GRIN2B: variants seen among roughly 807,000 people sequenced by gnomAD.
GRIN2B encodes glutamate receptor ionotropic, NMDA 2B.
GRIN2B carries 5 observed loss-of-function variants against 114.5 expected under a neutral mutation model. The ratio of observed to expected loss-of-function variants is 0.04; its 90% CI spans 0.02 to 0.09. The LOEUF (loss-of-function observed/expected upper bound fraction) is 0.09. GRIN2B is among the 10% of genes least tolerant of loss of function. The probability of loss-of-function intolerance (pLI) is 1.00; values close to 1 mark genes in which losing one functional copy is unlikely to be tolerated. For synonymous variants in GRIN2B, 787 were observed against 745.1 expected (o/e 1.06, Z -0.92); for missense variants, 1,108 against 1,943.5 (o/e 0.57, Z 8.08).
intron 2 of GRIN2B, among the ~76,000 whole-genome samples, chr12:13,967,708 T>C (rs552925647): frequency 1.3e-4 from 20 of 152,120 alleles, no homozygotes; most frequent in Non-Finnish European, 1.6e-4. Context: ...AGAGACACGA[T>C]AGCAGTCCTT....
chr12:13,857,688 A>G (rs1452097885), intron 3 of GRIN2B, among the ~76,000 whole-genome samples: 2 of 152,068 alleles, frequency 1.3e-5, no homozygotes, highest in African/African-American at 4.8e-5. Flanking sequence ...ACAGTGTACT[A>G]CACTGTCTGT....
chr12:13,842,500 G>A (rs1488506943), intron 3 of GRIN2B, among the ~76,000 whole-genome samples: 1 of 152,058 alleles, frequency 6.6e-6, no homozygotes, highest in African/African-American at 2.4e-5. Flanking sequence ...CTTTTGTGAT[G>A]CATTCTGCAT....
At chr12:13,623,357 A>G (rs1318707644) in intron 5 of GRIN2B, among the ~76,000 whole-genome samples, 2 of 152,236 alleles carry the variant, frequency 1.3e-5, no homozygotes, top group Non-Finnish European at 2.9e-5. Context: ...GTATGTTTTT[A>G]AATGTTCTCA....
intron 4 of GRIN2B, among the ~76,000 whole-genome samples, chr12:13,687,164 G>T (rs1950179915): frequency 6.6e-6 from 1 of 152,050 alleles, no homozygotes. Flanking sequence ...CAAATTACCA[G>T]CCTTGAGTTT....
chr12:13,845,370 A>G (rs1186189884), intron 3 of GRIN2B, among the ~76,000 whole-genome samples: 1 of 152,296 alleles, frequency 6.6e-6, no homozygotes, highest in East Asian at 1.9e-4. Context: ...CCACATTAAA[A>G]TATCATATCC....
At chr12:13,720,871 C>G (rs551137662) in intron 4 of GRIN2B, among the ~76,000 whole-genome samples, 40 of 152,182 alleles carry the variant, frequency 2.6e-4, no homozygotes, top group Non-Finnish European at 4.3e-4. Context: ...GGGATAAGCA[C>G]TTTAGAAACT....
intron 3 of GRIN2B, among the ~76,000 whole-genome samples, chr12:13,829,759 A>C (rs938166632): frequency 2.6e-5 from 4 of 152,346 alleles, no homozygotes; most frequent in Non-Finnish European, 5.9e-5. Context: ...TCTCAGATGA[A>C]GATATTCCTG....
chr12:13,665,173 G>T (rs61912066), intron 5 of GRIN2B, among the ~76,000 whole-genome samples: 1 of 129,838 alleles, frequency 7.7e-6, no homozygotes, highest in Non-Finnish European at 1.8e-5. Context: ...GTGTTTGTGT[G>T]TGTGTGTGTG....
At chr12:13,892,798 T>G (rs1866285686) in intron 2 of GRIN2B, among the ~76,000 whole-genome samples, 1 of 152,208 alleles carries the variant, frequency 6.6e-6, no homozygotes, top group Non-Finnish European at 1.5e-5. Flanking sequence ...CCTTGAGGAC[T>G]TTGAGAGAGT....
rs200754384 is a variant in GRIN2B at position 13,564,601 on chromosome 12, C to T, written c.2637G>A (p.Glu879=). The T allele has an allele frequency of 9.3e-6, 15 of 1,613,754 alleles. No homozygotes were observed. The highest frequency in any genetic ancestry group is 3.3e-4 in the Middle Eastern group (2 of 6,080). ...YSCIHGVAIE[E]RQSVMNSPTA... ...TGGGGGAGTTCATTACAGACTGGCGCTCCTCGATCGCCACCCCATGGATGC... is the reference window on the plus strand; with the variant it reads ...TGGGGGAGTTCATTACAGACTGGCGTTCCTCGATCGCCACCCCATGGATGC... Residue 879 remains glutamate (E), a synonymous_variant, in exon 14 of 14, where the codon GAG becomes GAA. Coordinates refer to ENST00000609686, the MANE Select transcript of GRIN2B (RefSeq NM_000834.5). The surrounding 1 kb of genome is among the most constrained non-coding windows in gnomAD (Gnocchi z 4.8).
intron 2 of GRIN2B, among the ~76,000 whole-genome samples, chr12:13,888,172 A>G (rs1227977407): frequency 6.6e-6 from 1 of 152,224 alleles, no homozygotes; most frequent in Admixed American, 6.5e-5. Context: ...GTATTGCTTA[A>G]CAACGGGGAC....
rs552191401 is a variant in GRIN2B at position 13,576,360 on chromosome 12, G to A, written c.2011-4396C>T. Among the ~76,000 whole-genome samples, 11 of 152,166 alleles carry A rather than the reference G, an allele frequency of 7.2e-5. No individual in the cohort carries two copies. In the South Asian group the frequency reaches 1.5e-3, roughly 20 times the overall value. On this transcript the variant is annotated intron_variant, in intron 10 of 13. Transcript: ENST00000609686. ...TTAGCCTGAGTGGCAATTTGGGAAC[G>A]AGAAAAATTTAGCGCTGTCAAGAAC...
At chr12:13,886,378 C>T (rs957441579) in intron 2 of GRIN2B, among the ~76,000 whole-genome samples, 4 of 152,176 alleles carry the variant, frequency 2.6e-5, no homozygotes, top group African/African-American at 9.7e-5. Flanking sequence ...TGAGCTAGGG[C>T]TGGGTGCTTG....
chr12:13,855,522 G>A (rs902784600), intron 3 of GRIN2B, among the ~76,000 whole-genome samples: 1 of 152,046 alleles, frequency 6.6e-6, no homozygotes, highest in African/African-American at 2.4e-5. Context: ...CAAGGTGTCG[G>A]GAGTCTCACA....
At chr12:13,768,611 C>G (rs559975593) in intron 3 of GRIN2B, among the ~76,000 whole-genome samples, 1 of 152,204 alleles carries the variant, frequency 6.6e-6, no homozygotes, top group Non-Finnish European at 1.5e-5. Flanking sequence ...GGTCTTAGTT[C>G]CTCTCGGCTT....
chr12:13,704,254 C>A (rs1565506818), intron 4 of GRIN2B, among the ~76,000 whole-genome samples: 1 of 152,164 alleles, frequency 6.6e-6, no homozygotes, highest in Non-Finnish European at 1.5e-5. Context: ...GGGGCTACAC[C>A]ACCACCATGC....
chr12:13,753,582 G>T lies in GRIN2B; in HGVS notation c.745C>A (p.Leu249Met). The change falls in exon 4 of 14, where the codon CTG becomes ATG. Residue 249 changes from leucine (L) to methionine (M), a missense_variant. By Grantham distance (15) the Leu-to-Met change is conservative (BLOSUM62 2). Transcript: ENST00000609686. The surrounding 1 kb of genome is among the most constrained non-coding windows in gnomAD (Gnocchi z 6.2). ...YIFEVANSVG[L>M]TGYGYTWIVP... ...ATCCACGTGTAGCCATAGCCAGTCAGCCCTACTGAGTTGGCCACTTCAAAG... is the reference window on the plus strand; with the variant it reads ...ATCCACGTGTAGCCATAGCCAGTCATCCCTACTGAGTTGGCCACTTCAAAG... 1 of 1,614,168 alleles carries T rather than the reference G, an allele frequency of 6.2e-7. No individual in the cohort carries two copies. The highest frequency in any genetic ancestry group is 1.1e-5 in the South Asian group (1 of 91,084).
chr12:13,841,911 G>A (rs909134874), intron 3 of GRIN2B, among the ~76,000 whole-genome samples: 8 of 151,730 alleles, frequency 5.3e-5, no homozygotes, highest in African/African-American at 7.3e-5. Flanking sequence ...TTTAAAAGTC[G>A]AAATTGGAAA....
intron 5 of GRIN2B, among the ~76,000 whole-genome samples, chr12:13,661,195 T>C (rs957321652): frequency 6.6e-6 from 1 of 152,194 alleles, no homozygotes; most frequent in African/African-American, 2.4e-5. Flanking sequence ...CAATTCTCTG[T>C]AAAGCTCATG....
Sources: allele counts gnomAD v4.1 joint callset (sites outside exome capture counted in the v4.1 genomes callset), GRCh38; gene constraint gnomAD v4.1.1; non-coding constraint Gnocchi (gnomAD v3.1); transcripts MANE v1.5; gene names NCBI Gene and HGNC (gene_info 2026-07-23, HGNC 2026-07-21).